The following GRM3 variants were observed in gnomAD, a reference collection of about 807,000 sequenced individuals.
The protein encoded by GRM3 is glutamate metabotropic receptor 3.
Under a neutral mutation model 70.5 loss-of-function variants are expected in GRM3, and 26 were observed. The observed-to-expected ratio is 0.37, with a 90% CI of 0.27 to 0.51. The LOEUF is 0.51. Among genes scored for constraint, GRM3 ranks in the 20% least tolerant of loss-of-function variants. The pLI is 0.93. For synonymous variants in GRM3, 443 were observed against 434.9 expected (o/e 1.02, Z -0.23); for missense variants, 859 against 1,123.8 (o/e 0.76, Z 3.37).
intron 1 of GRM3, among the ~76,000 whole-genome samples, chr7:86,723,954 T>G (rs955309443): frequency 3.9e-5 from 6 of 152,166 alleles, no homozygotes; most frequent in Admixed American, 2.6e-4. Flanking sequence ...TGTTTACAAT[T>G]ATAGATAAGC....
chr7:86,852,611 A>C (rs1347215427), intron 5 of GRM3, among the ~76,000 whole-genome samples: 4 of 152,138 alleles, frequency 2.6e-5, no homozygotes, highest in Non-Finnish European at 5.9e-5. Flanking sequence ...CTTTTTTTTA[A>C]AAAAGGTCTA....
intron 2 of GRM3, among the ~76,000 whole-genome samples, chr7:86,771,618 A>C (rs1315634343): frequency 1.3e-5 from 2 of 152,068 alleles, no homozygotes; most frequent in African/African-American, 2.4e-5. Context: ...AGTAGAGGGA[A>C]CATAAAATAC....
chr7:86,770,719 C>T lies in GRM3; in HGVS notation c.468+5106C>T, dbSNP rs1168590546. ...TGAGGAAAAGTCACACATTAATTGC[C>T]AGTTTTCTTATAGGAGCATAGGAAA... is the stretch of plus-strand genomic sequence containing the variant. On this transcript the variant is annotated intron_variant, in intron 2 of 5. Coordinates refer to ENST00000361669, the MANE Select transcript of GRM3 (RefSeq NM_000840.3). Among the ~76,000 whole-genome samples, 6 of 152,154 alleles carry T rather than the reference C, an allele frequency of 3.9e-5. No individual in the cohort carries two copies. In the East Asian group the frequency reaches 1.2e-3, roughly 29 times the overall value.
intron 1 of GRM3, among the ~76,000 whole-genome samples, chr7:86,688,085 A>C (rs1178485886): frequency 6.6e-6 from 1 of 151,716 alleles, no homozygotes; most frequent in East Asian, 1.9e-4. Flanking sequence ...TCTGCATTTC[A>C]CTCTGTTTAA....
intron 3 of GRM3, among the ~76,000 whole-genome samples, chr7:86,788,933 C>G (rs1797338276): frequency 6.6e-6 from 1 of 152,164 alleles, no homozygotes; most frequent in Non-Finnish European, 1.5e-5. Flanking sequence ...GCTTAGAATT[C>G]AGAGAGCCTT....
chr7:86,647,035 G>T (rs1417428469), intron 1 of GRM3, among the ~76,000 whole-genome samples: 1 of 152,104 alleles, frequency 6.6e-6, no homozygotes, highest in Non-Finnish European at 1.5e-5. Flanking sequence ...TAACGAAATT[G>T]ATTGAGCTTT....
At chr7:86,823,530 GA>G (rs1798167731) in intron 3 of GRM3, among the ~76,000 whole-genome samples, 1 of 142,168 alleles carries the variant, frequency 7.0e-6, no homozygotes, top group South Asian at 2.3e-4. Flanking sequence ...TTTCTAAAAA[GA>G]AATGTTATTA....
Position 86,644,650 on chromosome 7 carries a change from G to C in GRM3, c.-363G>C. 1 of 511,624 alleles carries C rather than the reference G, an allele frequency of 2.0e-6. No homozygotes were observed. 31.7% of individuals were successfully genotyped at this position (511,624 alleles called of 1,614,324 possible). ...AGTGGTCCAGCGTGCAGCCGGGAGGGGGCAGGGGCAGGGGGCACTGTGACA... is the reference window on the plus strand; with the variant it reads ...AGTGGTCCAGCGTGCAGCCGGGAGGCGGCAGGGGCAGGGGGCACTGTGACA... On this transcript the variant is annotated 5_prime_UTR_variant, in exon 1 of 6. Coordinates refer to ENST00000361669, the MANE Select transcript of GRM3 (RefSeq NM_000840.3).
At position 86,770,477 on chromosome 7, in the gene GRM3, T is replaced by C. The variant is rs929205708; in HGVS notation, c.468+4864T>C. Reference sequence around the variant, plus strand: ...CATGACATGACATGCATTGTTCACATTGTACCCCTGAGAAGAATAACTCCT... The same window carrying C: ...CATGACATGACATGCATTGTTCACACTGTACCCCTGAGAAGAATAACTCCT... On this transcript the variant is annotated intron_variant, in intron 2 of 5. Transcript: ENST00000361669. Among the ~76,000 whole-genome samples the C allele has an allele frequency of 3.9e-5, 6 of 152,182 alleles. No homozygotes were observed. In the East Asian group the frequency reaches 1.2e-3, roughly 29 times the overall value.
At chr7:86,827,981 A>G (rs572003740) in intron 3 of GRM3, among the ~76,000 whole-genome samples, 28 of 152,046 alleles carry the variant, frequency 1.8e-4, no homozygotes, top group East Asian at 3.9e-4. Context: ...GCGTGGTGGC[A>G]GGCACCTGTA....
chr7:86,719,939 T>A (rs552637002), intron 1 of GRM3, among the ~76,000 whole-genome samples: 1 of 152,114 alleles, frequency 6.6e-6, no homozygotes, highest in African/African-American at 2.4e-5. Context: ...ATATGGTGGC[T>A]GTGGAGTAGA....
At chr7:86,694,204 G>T (rs1015599845) in intron 1 of GRM3, among the ~76,000 whole-genome samples, 1 of 152,098 alleles carries the variant, frequency 6.6e-6, no homozygotes, top group Non-Finnish European at 1.5e-5. Context: ...AACTCACTCA[G>T]AAATGAAGTA....
intron 2 of GRM3, among the ~76,000 whole-genome samples, chr7:86,778,568 T>C (rs1163717750): frequency 6.6e-6 from 1 of 152,182 alleles, no homozygotes; most frequent in Non-Finnish European, 1.5e-5. Context: ...GGCTCACAAG[T>C]GACTGATATT....
intron 1 of GRM3, among the ~76,000 whole-genome samples, chr7:86,742,898 ATATGTGACTTGGGTTTTTAGTTCAT>A (rs1562845349): frequency 1.3e-5 from 2 of 152,154 alleles, no homozygotes. Context: ...GGTATTTACT[ATATGTGACTTGGGTTTTTAGTTCAT>A]TATTTTATTT....
intron 2 of GRM3, among the ~76,000 whole-genome samples, chr7:86,778,057 C>A (rs1270487380): frequency 1.3e-5 from 2 of 152,090 alleles, no homozygotes. Flanking sequence ...GCATGTGTGA[C>A]AAAGCAATTA....
At chr7:86,701,672 C>T (rs1794949116) in intron 1 of GRM3, among the ~76,000 whole-genome samples, 2 of 151,758 alleles carry the variant, frequency 1.3e-5, no homozygotes, top group Non-Finnish European at 2.9e-5. Flanking sequence ...ATTTATTGAC[C>T]TTCAAGTTTC....
chr7:86,825,765 C>T (rs1014325843), intron 3 of GRM3, among the ~76,000 whole-genome samples: 3 of 152,150 alleles, frequency 2.0e-5, no homozygotes, highest in Admixed American at 6.5e-5. Flanking sequence ...TGGGAAAGCT[C>T]GTTTTATTAA....
At chr7:86,696,938 T>C (rs181128994) in intron 1 of GRM3, among the ~76,000 whole-genome samples, 6 of 152,320 alleles carry the variant, frequency 3.9e-5, no homozygotes, top group African/African-American at 1.4e-4. Context: ...CTCTTGACCC[T>C]ATCTCCCATC....
chr7:86,731,705 G>A (rs1018897251), intron 1 of GRM3, among the ~76,000 whole-genome samples: 1 of 152,168 alleles, frequency 6.6e-6, no homozygotes, highest in Non-Finnish European at 1.5e-5. Context: ...CATCATGTAT[G>A]CTAGAATGTG....
Sources: allele counts gnomAD v4.1 joint callset (sites outside exome capture counted in the v4.1 genomes callset), GRCh38; gene constraint gnomAD v4.1.1; transcripts MANE v1.5; gene names NCBI Gene and HGNC (gene_info 2026-07-23, HGNC 2026-07-21).